FAM227B: variants seen among roughly 807,000 people sequenced by gnomAD.
FAM227B encodes the protein protein FAM227B.
In FAM227B, 88 loss-of-function variants were observed where a neutral mutation model predicts 73.8. The observed-to-expected ratio is 1.19, with a 90% confidence interval of 1.00 to 1.42. FAM227B has a LOEUF of 1.42. Ranked by LOEUF, FAM227B falls within the 40% of genes most tolerant of loss-of-function variation. The pLI, the probability that FAM227B is intolerant of heterozygous loss-of-function variation, is 0.00. For missense variants in FAM227B, 632 were observed against 590.9 expected (o/e 1.07, Z -0.72); for synonymous variants, 210 against 190.5 (o/e 1.10, Z -0.84).
At chr15:49,568,414 A>T (rs1286135174) in intron 8 of FAM227B, 68 bp from the exon 9 acceptor site, 1 of 1,266,704 alleles carries the variant, frequency 7.9e-7, no homozygotes, top group Non-Finnish European at 1.1e-6. Flanking sequence ...ACATGATGAC[A>T]GCAATTTCAT....
At chr15:49,496,235 T>C (rs757328149) in intron 11 of FAM227B, among the ~76,000 whole-genome samples, 2 of 152,128 alleles carry the variant, frequency 1.3e-5, no homozygotes, top group Non-Finnish European at 2.9e-5. Flanking sequence ...GTGTACTAGG[T>C]ACATAAAAGT....
intron 9 of FAM227B, among the ~76,000 whole-genome samples, chr15:49,546,991 A>C (rs990596695): frequency 2.6e-5 from 4 of 152,180 alleles, no homozygotes; most frequent in Admixed American, 6.5e-5. Context: ...AGATTCACCA[A>C]AGTTGAAATG....
intron 4 of FAM227B, 45 bp downstream of exon 4, chr15:49,589,731 A>C: frequency 8.3e-7 from 1 of 1,206,096 alleles, no homozygotes; most frequent in Non-Finnish European, 1.2e-6. Context: ...TGGGAAACAT[A>C]GTGAGACTCC....
At chr15:49,378,129 T>G (rs1363660492) in intron 11 of FAM227B, among the ~76,000 whole-genome samples, 1 of 152,108 alleles carries the variant, frequency 6.6e-6, no homozygotes, top group South Asian at 2.1e-4. Context: ...TTTTCCCTAA[T>G]GTATGTTCTT....
chr15:49,340,258 G>A (rs956391166), intron 13 of FAM227B, among the ~76,000 whole-genome samples: 1 of 152,188 alleles, frequency 6.6e-6, no homozygotes, highest in Non-Finnish European at 1.5e-5. Context: ...AGGCTCCAGA[G>A]GGGATTCCTG....
chr15:49,575,762 T>C (rs1567614718), intron 7 of FAM227B, among the ~76,000 whole-genome samples: 1 of 152,142 alleles, frequency 6.6e-6, no homozygotes, highest in East Asian at 1.9e-4. Context: ...CAATCAATCA[T>C]GGACTTATAT....
intron 15 of FAM227B, chr15:49,329,555 T>C (rs1407991497): frequency 1.0e-6 from 1 of 984,850 alleles, no homozygotes; most frequent in Non-Finnish European, 1.2e-6. Flanking sequence ...ATAACAGTCA[T>C]ACATAGAATA....
Position 49,599,821 on chromosome 15 carries a change from C to T in FAM227B, c.106-9814G>A, listed in dbSNP as rs567140174. On this transcript the variant is annotated intron_variant, in intron 3 of 15. Coordinates refer to ENST00000299338, the MANE Select transcript of FAM227B (RefSeq NM_152647.3). ...AAATTTGTTAAGACTTGTTTTGTGG[C>T]CCAATATATAATCCATCCTGGAGAA... Among the ~76,000 whole-genome samples the T allele has an allele frequency of 3.3e-5, 5 of 152,108 alleles. No homozygotes were observed. In the East Asian group the frequency reaches 7.7e-4, roughly 23 times the overall value.
chr15:49,542,554 A>G (rs2071226733), intron 9 of FAM227B, among the ~76,000 whole-genome samples: 1 of 151,074 alleles, frequency 6.6e-6, no homozygotes, highest in Admixed American at 6.6e-5. Context: ...GCATCCTCAT[A>G]GCTTAGCTCC....
intron 13 of FAM227B, among the ~76,000 whole-genome samples, chr15:49,358,088 C>T (rs1467760044): frequency 6.6e-6 from 1 of 151,888 alleles, no homozygotes; most frequent in Non-Finnish European, 1.5e-5. Flanking sequence ...GGACGTATTT[C>T]AAAATAATAA....
In FAM227B at chr15:49,462,436, G is replaced by C. The variant is rs540575542; in HGVS notation, c.1012+45775C>G. Among the ~76,000 whole-genome samples, 136 of 152,326 alleles carry C rather than the reference G, an allele frequency of 8.9e-4. 5 individuals carry two copies. In the South Asian group the frequency reaches 0.027, roughly 30 times the overall value. On this transcript the variant is annotated intron_variant, in intron 11 of 15. Coordinates refer to ENST00000299338, the MANE Select transcript of FAM227B (RefSeq NM_152647.3). ...TCACTAGAGAGCTGGCCTTAGTCCA[G>C]AAGTATTTTTAGTCCAGTCTCATAA...
chr15:49,449,902 T>C (rs1458645258), intron 11 of FAM227B, among the ~76,000 whole-genome samples: 4 of 152,032 alleles, frequency 2.6e-5, no homozygotes, highest in Non-Finnish European at 2.9e-5. Flanking sequence ...AATTTCTGAG[T>C]TGGAAAACAG....
intron 11 of FAM227B, among the ~76,000 whole-genome samples, chr15:49,406,409 C>G (rs2048510508): frequency 1.3e-5 from 2 of 152,076 alleles, no homozygotes; most frequent in Admixed American, 6.5e-5. Context: ...CAGGCGGTTG[C>G]ACTGTTGATA....
At position 49,541,019 on chromosome 15, in the gene FAM227B, A is replaced by G. The variant is rs537846627; in HGVS notation, c.874+661T>C. Among the ~76,000 whole-genome samples, 22 of 152,300 alleles carry G rather than the reference A, an allele frequency of 1.4e-4. No homozygotes were observed. The East Asian group carries it at 3.7e-3, about 25-fold the overall frequency. On this transcript the variant is annotated intron_variant, in intron 10 of 15. Coordinates refer to ENST00000299338, the MANE Select transcript of FAM227B (RefSeq NM_152647.3). ...AAACTGACATTAAGCAGTTTTAAAA[A>G]TCAAATAACATTTAGATTGAAATAT...
intron 11 of FAM227B, among the ~76,000 whole-genome samples, chr15:49,380,854 G>A (rs541584948): frequency 5.3e-5 from 8 of 152,242 alleles, no homozygotes; most frequent in African/African-American, 1.9e-4. Flanking sequence ...AGCCCCTTGT[G>A]TTAGTCCATT....
At chr15:49,390,084 A>G (rs1478755920) in intron 11 of FAM227B, among the ~76,000 whole-genome samples, 3 of 152,086 alleles carry the variant, frequency 2.0e-5, no homozygotes, top group Non-Finnish European at 2.9e-5. Flanking sequence ...TTCATTGAAG[A>G]TAAGTATGAA....
At chr15:49,354,251 G>C (rs2042697205) in intron 13 of FAM227B, among the ~76,000 whole-genome samples, 1 of 152,190 alleles carries the variant, frequency 6.6e-6, no homozygotes, top group African/African-American at 2.4e-5. Flanking sequence ...AGCCAAGATG[G>C]CCGAATAGGA....
At chr15:49,461,987 T>C (rs1172650239) in intron 11 of FAM227B, among the ~76,000 whole-genome samples, 1 of 152,134 alleles carries the variant, frequency 6.6e-6, no homozygotes, top group East Asian at 1.9e-4. Context: ...CTGGCCAACA[T>C]GGCAAAATCC....
At chr15:49,536,316 A>G (rs1368161135) in intron 10 of FAM227B, among the ~76,000 whole-genome samples, 1 of 151,880 alleles carries the variant, frequency 6.6e-6, no homozygotes, top group Non-Finnish European at 1.5e-5. Context: ...TAAAAATTCC[A>G]TTTAATAAGA....
Sources: allele counts gnomAD v4.1 joint callset (sites outside exome capture counted in the v4.1 genomes callset), GRCh38; gene constraint gnomAD v4.1.1; transcripts MANE v1.5; gene names NCBI Gene and HGNC (gene_info 2026-07-23, HGNC 2026-07-21).